ARHGAP15: variants seen among roughly 807,000 people sequenced by gnomAD.
The protein encoded by ARHGAP15 is rho GTPase-activating protein 15.
A neutral mutation model predicts 63.7 loss-of-function variants in ARHGAP15; 51 were observed. The ratio of observed to expected loss-of-function variants is 0.80; its 90% CI spans 0.64 to 1.01. The LOEUF is 1.01. Ranked by LOEUF, ARHGAP15 falls within the 50% of genes least tolerant of loss-of-function variation. The pLI is 0.00. For synonymous variants in ARHGAP15, 191 were observed against 193.8 expected (o/e 0.99, Z 0.12); for missense variants, 560 against 564.6 (o/e 0.99, Z 0.08).
At chr2:143,444,212 A>T (rs2105113807) in intron 8 of ARHGAP15, among the ~76,000 whole-genome samples, 1 of 152,298 alleles carries the variant, frequency 6.6e-6, no homozygotes, top group East Asian at 1.9e-4. Flanking sequence ...TGCTTTCAAT[A>T]ATAGGGCAAA....
intron 11 of ARHGAP15, among the ~76,000 whole-genome samples, chr2:143,619,457 T>C (rs554119456): frequency 1.3e-5 from 2 of 152,262 alleles, no homozygotes; most frequent in Admixed American, 1.3e-4. Context: ...TTATAAGCTT[T>C]AAGGCAAAAC....
chr2:143,681,840 C>G (rs1177287085), intron 12 of ARHGAP15, among the ~76,000 whole-genome samples: 1 of 152,152 alleles, frequency 6.6e-6, no homozygotes, highest in African/African-American at 2.4e-5. Context: ...TCTTTGGTGC[C>G]AGAGGCATGG....
At chr2:143,578,710 T>C (rs1355820452) in intron 11 of ARHGAP15, among the ~76,000 whole-genome samples, 33 of 152,202 alleles carry the variant, frequency 2.2e-4, no homozygotes, top group Non-Finnish European at 1.5e-5. Flanking sequence ...CATTCAAATA[T>C]GCAAATAATT....
intron 13 of ARHGAP15, among the ~76,000 whole-genome samples, chr2:143,734,657 C>T (rs1039617354): frequency 6.6e-6 from 1 of 152,126 alleles, no homozygotes; most frequent in Admixed American, 6.6e-5. Context: ...GCTGATGTTG[C>T]CTGGAATCAA....
At chr2:143,280,220 A>T (rs901365803) in intron 6 of ARHGAP15, among the ~76,000 whole-genome samples, 13 of 152,164 alleles carry the variant, frequency 8.5e-5, no homozygotes, top group Admixed American at 4.6e-4. Flanking sequence ...AAAGGAAAAG[A>T]TGAGAAATGA....
intron 6 of ARHGAP15, among the ~76,000 whole-genome samples, chr2:143,346,174 T>TCTCTCTCTCACACACACA (rs1558909417): frequency 1.2e-4 from 5 of 41,010 alleles, no homozygotes; most frequent in South Asian, 4.3e-4. Flanking sequence ...ACACACACAC[T>TCTCTCTCTCACACACACA]CTCTCTCTCA....
intron 5 of ARHGAP15, among the ~76,000 whole-genome samples, chr2:143,239,509 A>T (rs1165407028): frequency 6.6e-6 from 1 of 152,152 alleles, no homozygotes; most frequent in Non-Finnish European, 1.5e-5. Context: ...TATGAGTTTG[A>T]CGTTATAAAA....
intron 12 of ARHGAP15, among the ~76,000 whole-genome samples, chr2:143,649,991 C>T (rs1325364219): frequency 6.6e-6 from 1 of 151,878 alleles, no homozygotes; most frequent in Non-Finnish European, 1.5e-5. Flanking sequence ...AAATATTTAA[C>T]ATTTTCCAAA....
At chr2:143,662,894 T>C (rs1280528555) in intron 12 of ARHGAP15, among the ~76,000 whole-genome samples, 1 of 143,798 alleles carries the variant, frequency 7.0e-6, no homozygotes, top group Non-Finnish European at 1.5e-5. Context: ...GAGCAAAGCC[T>C]CCAAGAAATA....
chr2:143,578,043 GT>G (rs1470776121), intron 11 of ARHGAP15, among the ~76,000 whole-genome samples: 1 of 152,152 alleles, frequency 6.6e-6, no homozygotes, highest in African/African-American at 2.4e-5. Context: ...ATTTTGCAGA[GT>G]TTTGGGAACT....
intron 2 of ARHGAP15, chr2:143,162,609 T>A (rs1690342358): frequency 6.6e-6 from 1 of 152,036 alleles, no homozygotes; most frequent in Admixed American, 6.6e-5. Context: ...TAATCAGTAA[T>A]CTAAAAGTGT....
chr2:143,611,915 G>A (rs758441781), intron 11 of ARHGAP15, among the ~76,000 whole-genome samples: 1 of 152,056 alleles, frequency 6.6e-6, no homozygotes, highest in Non-Finnish European at 1.5e-5. Flanking sequence ...TGGCCTTTTC[G>A]TTGCATTTCT....
chr2:143,765,109 ATGTGTGTG>A (rs60894627), intron 13 of ARHGAP15, among the ~76,000 whole-genome samples: 261 of 147,620 alleles, frequency 1.8e-3, no homozygotes, highest in African/African-American at 4.5e-3. Flanking sequence ...CCTCTAAAAT[ATGTGTGTG>A]TGTGTGTGTG....
intron 12 of ARHGAP15, among the ~76,000 whole-genome samples, chr2:143,627,780 G>C (rs566351369): frequency 6.6e-6 from 1 of 152,014 alleles, no homozygotes; most frequent in African/African-American, 2.4e-5. Context: ...ACCATAGGAG[G>C]GTTGGTCCTA....
At chr2:143,419,661 C>T (rs1313756996) in intron 6 of ARHGAP15, among the ~76,000 whole-genome samples, 1 of 138,392 alleles carries the variant, frequency 7.2e-6, no homozygotes, top group Non-Finnish European at 1.5e-5. Flanking sequence ...TATATACAAA[C>T]ACATATATAT....
rs375595979 is a variant in ARHGAP15, at chr2:143,429,308, G to A, written c.475-6293G>A. Among the ~76,000 whole-genome samples, 5 of 151,760 alleles carry A rather than the reference G, an allele frequency of 3.3e-5. No homozygotes were observed. The South Asian group carries it at 8.3e-4, about 25-fold the overall frequency. On this transcript the variant is annotated intron_variant, in intron 6 of 13. Transcript: ENST00000295095. ...AAAGTTAGAGTGGGCAAGTAATATG[G>A]GGTGTGAATGTTCACTACAGGGACA...
intron 1 of ARHGAP15, among the ~76,000 whole-genome samples, chr2:143,132,601 A>T (rs1387588013): frequency 6.6e-6 from 1 of 152,248 alleles, no homozygotes. Flanking sequence ...TGCAGACAGC[A>T]TGCGTGACCA....
At chr2:143,413,971 G>GCCCGCGCA in intron 6 of ARHGAP15, among the ~76,000 whole-genome samples, 2 of 147,732 alleles carry the variant, frequency 1.4e-5, no homozygotes, top group African/African-American at 5.0e-5. Flanking sequence ...GTGTGTGCGC[G>GCCCGCGCA]CTCTCTGGCA....
intron 9 of ARHGAP15, among the ~76,000 whole-genome samples, chr2:143,503,872 A>C (rs1005830343): frequency 2.6e-5 from 4 of 152,212 alleles, no homozygotes; most frequent in African/African-American, 7.2e-5. Context: ...AGAGGATACA[A>C]AGCTACACAA....
Sources: allele counts gnomAD v4.1 joint callset (sites outside exome capture counted in the v4.1 genomes callset), GRCh38; gene constraint gnomAD v4.1.1; transcripts MANE v1.5; gene names NCBI Gene and HGNC (gene_info 2026-07-23, HGNC 2026-07-21).